The following CNTNAP4 variants were observed in gnomAD, a reference collection of about 807,000 sequenced individuals.
CNTNAP4 encodes the protein contactin associated protein family member 4.
CNTNAP4 carries 98 observed loss-of-function variants against 148.4 expected under a neutral mutation model. The ratio of observed to expected loss-of-function variants is 0.66; its 90% CI spans 0.56 to 0.78. The LOEUF is 0.78. Among genes scored for constraint, CNTNAP4 ranks in the 30% least tolerant of loss-of-function variants. CNTNAP4 has a pLI of 0.00. For missense variants in CNTNAP4, 1,935 were observed against 1,565.6 expected, an observed-to-expected ratio of 1.24 and a Z score of -3.98; for synonymous variants, 730 against 565.1, an observed-to-expected ratio of 1.29 and a Z score of -4.14.
chr16:76,296,303 A>G (rs532252988), intron 1 of CNTNAP4, among the ~76,000 whole-genome samples: 1 of 152,300 alleles, frequency 6.6e-6, no homozygotes, highest in East Asian at 1.9e-4. Flanking sequence ...CCTGCCTTCC[A>G]TTCAAATACC....
At position 76,558,538 on chromosome 16, in the gene CNTNAP4, C is replaced by A. The variant is rs1179329730; in HGVS notation, c.3782C>A (p.Ala1261Asp). ...ATCTTGCTTTGCATCACTGCCATAG[C>A]TGTTCGCATTTATCAGCAGAAAAGG... ...IFILLCITAI[A>D]VRIYQQKRLY... The change falls in exon 24 of 24, where the codon GCT becomes GAT. Residue 1261 changes from alanine (A) to aspartate (D), a missense_variant. Physicochemically the swap from Ala to Asp is moderately radical, Grantham distance 126 (BLOSUM62 -2). Transcript: ENST00000611870. 2.5e-6 allele frequency: 4 copies of A among 1,611,236 alleles called. No homozygotes were observed. The Admixed American group carries it at 5.0e-5, about 20-fold the overall frequency.
At chr16:76,357,066 C>G (rs1194510951) in intron 3 of CNTNAP4, among the ~76,000 whole-genome samples, 1 of 151,318 alleles carries the variant, frequency 6.6e-6, no homozygotes, top group Non-Finnish European at 1.5e-5. Context: ...AAAACACACA[C>G]ACACACACAC....
intron 3 of CNTNAP4, among the ~76,000 whole-genome samples, chr16:76,385,936 A>AG (rs143603467): frequency 0.018 from 2,697 of 152,252 alleles, 78 homozygotes; most frequent in African/African-American, 0.062. Context: ...CATTTTAAAC[A>AG]GGGAAATCAC....
chr16:76,426,891 T>C (rs4887856), intron 3 of CNTNAP4, among the ~76,000 whole-genome samples: 31,339 of 152,102 alleles, frequency 0.21, 3,534 homozygotes, highest in East Asian at 0.37. Flanking sequence ...AATTTGAATG[T>C]GTGTATCTGG....
chr16:76,348,857 CAA>C (rs34687530), intron 2 of CNTNAP4, among the ~76,000 whole-genome samples: 9 of 147,994 alleles, frequency 6.1e-5, no homozygotes, highest in South Asian at 2.1e-4. Flanking sequence ...TAAAAGAAGC[CAA>C]AAAAAAAAAT....
chr16:76,367,044 A>C (rs1032075100), intron 3 of CNTNAP4, among the ~76,000 whole-genome samples: 1 of 151,730 alleles, frequency 6.6e-6, no homozygotes, highest in Non-Finnish European at 1.5e-5. Flanking sequence ...TGTTACAAAA[A>C]ATTTATTAAT....
At chr16:76,402,827 T>G (rs1030381395) in intron 3 of CNTNAP4, among the ~76,000 whole-genome samples, 1 of 152,138 alleles carries the variant, frequency 6.6e-6, no homozygotes, top group African/African-American at 2.4e-5. Context: ...GAGAATGGTG[T>G]TTAATTTCCA....
chr16:76,362,345 T>A lies in CNTNAP4; in HGVS notation c.390+6834T>A, dbSNP rs573578720. Among the ~76,000 whole-genome samples the A allele has an allele frequency of 2.0e-5, 3 of 152,252 alleles. No homozygotes were observed. In the South Asian group the frequency reaches 6.2e-4, roughly 32 times the overall value. ...ATACTACTCAAAGCAATCTATAGAT[T>A]CAATGCAATCCCTATCAAAATCCCA... is the stretch of plus-strand genomic sequence containing the variant. On this transcript the variant is annotated intron_variant, in intron 3 of 23. Transcript: ENST00000611870.
chr16:76,285,563 A>T (rs746579749), intron 1 of CNTNAP4, among the ~76,000 whole-genome samples: 1 of 152,062 alleles, frequency 6.6e-6, no homozygotes, highest in Non-Finnish European at 1.5e-5. Flanking sequence ...TAAAAGACAT[A>T]TTAGTTTCTG....
At chr16:76,296,472 T>C (rs879594192) in intron 1 of CNTNAP4, among the ~76,000 whole-genome samples, 6 of 152,324 alleles carry the variant, frequency 3.9e-5, no homozygotes, top group Non-Finnish European at 8.8e-5. Context: ...GAGAATTTGG[T>C]AAAATGATAA....
intron 2 of CNTNAP4, among the ~76,000 whole-genome samples, chr16:76,338,845 T>C (rs918619799): frequency 6.6e-6 from 1 of 152,198 alleles, no homozygotes; most frequent in Non-Finnish European, 1.5e-5. Flanking sequence ...TGTAAGATTA[T>C]TGTGAAAATC....
chr16:76,318,253 G>C (rs2144111730), intron 2 of CNTNAP4, among the ~76,000 whole-genome samples: 1 of 152,278 alleles, frequency 6.6e-6, no homozygotes, highest in African/African-American at 2.4e-5. Context: ...CAGAATGTGG[G>C]CCAGTGAAAG....
At chr16:76,325,523 G>A (rs1272767344) in intron 2 of CNTNAP4, among the ~76,000 whole-genome samples, 1 of 152,130 alleles carries the variant, frequency 6.6e-6, no homozygotes, top group East Asian at 1.9e-4. Flanking sequence ...AGCCAGAAAG[G>A]CGTGGAATTT....
At chr16:76,319,825 G>T (rs1597179729) in intron 2 of CNTNAP4, among the ~76,000 whole-genome samples, 2 of 152,300 alleles carry the variant, frequency 1.3e-5, no homozygotes, top group Middle Eastern at 6.8e-3. Flanking sequence ...AGGGAGTATG[G>T]CCCTGCCTGT....
chr16:76,390,496 C>T (rs903999498), intron 3 of CNTNAP4, among the ~76,000 whole-genome samples: 8 of 151,788 alleles, frequency 5.3e-5, no homozygotes, highest in African/African-American at 9.7e-5. Flanking sequence ...TTTCTTGTCT[C>T]ATCAGGCGTT....
intron 2 of CNTNAP4, among the ~76,000 whole-genome samples, chr16:76,320,651 C>A (rs1008491100): frequency 6.6e-6 from 1 of 152,100 alleles, no homozygotes; most frequent in African/African-American, 2.4e-5. Flanking sequence ...GTTAAGTGTA[C>A]ATTGACTCTT....
At chr16:76,540,892 G>A in intron 21 of CNTNAP4, 102 bp downstream of exon 21, 1 of 730,022 alleles carries the variant, frequency 1.4e-6, no homozygotes, top group African/African-American at 1.8e-5. Context: ...CATGGCAAAG[G>A]AAATCCCTTG....
intron 14 of CNTNAP4, among the ~76,000 whole-genome samples, chr16:76,497,062 G>A (rs1751592348): frequency 6.6e-6 from 1 of 152,154 alleles, no homozygotes; most frequent in South Asian, 2.1e-4. Flanking sequence ...TCAGGCTAAA[G>A]AGAAATAATG....
chr16:76,440,893 G>T (rs1276551470), intron 4 of CNTNAP4, among the ~76,000 whole-genome samples: 1 of 152,120 alleles, frequency 6.6e-6, no homozygotes, highest in East Asian at 1.9e-4. Context: ...AATTTGAGAA[G>T]CCTCAAACTT....
Sources: allele counts gnomAD v4.1 joint callset (sites outside exome capture counted in the v4.1 genomes callset), GRCh38; gene constraint gnomAD v4.1.1; transcripts MANE v1.5; gene names NCBI Gene and HGNC (gene_info 2026-07-23, HGNC 2026-07-21).